Variants in LIMCH1 observed in about 807,000 individuals in gnomAD.
LIMCH1 encodes LIM and calponin homology domains-containing protein 1.
In LIMCH1, 113 loss-of-function variants were observed where a neutral mutation model predicts 176.5. The observed-to-expected ratio is 0.64, with a 90% CI of 0.55 to 0.75. LIMCH1 has a LOEUF of 0.75. LIMCH1 is among the 30% of genes least tolerant of loss of function. The probability of loss-of-function intolerance (pLI) is 0.00; values close to 1 mark genes in which losing one functional copy is unlikely to be tolerated. For synonymous variants in LIMCH1, 619 were observed against 645.9 expected, an observed-to-expected ratio of 0.96 and a Z score of 0.63; for missense variants, 1,674 against 1,814.9, an observed-to-expected ratio of 0.92 and a Z score of 1.41.
At chr4:41,516,091 T>C (rs1362594101) in intron 2 of LIMCH1, among the ~76,000 whole-genome samples, 1 of 152,228 alleles carries the variant, frequency 6.6e-6, no homozygotes, top group African/African-American at 2.4e-5. Context: ...TTTTCGTGTG[T>C]TGGCAGCTTT....
intron 1 of LIMCH1, among the ~76,000 whole-genome samples, chr4:41,471,695 T>C (rs2066982834): frequency 6.6e-6 from 1 of 152,270 alleles, no homozygotes; most frequent in South Asian, 2.1e-4. Context: ...TTAAAATTCC[T>C]GACTGCTGTG....
At chr4:41,490,485 A>G (rs1363973170) in intron 1 of LIMCH1, among the ~76,000 whole-genome samples, 1 of 152,036 alleles carries the variant, frequency 6.6e-6, no homozygotes, top group Non-Finnish European at 1.5e-5. Flanking sequence ...ATGACTCTTA[A>G]GGAGCATGCT....
chr4:41,473,730 C>T (rs2067323456), intron 1 of LIMCH1, among the ~76,000 whole-genome samples: 1 of 152,188 alleles, frequency 6.6e-6, no homozygotes, highest in Non-Finnish European at 1.5e-5. Context: ...TTAAAAGCTT[C>T]TGCACAGCGA....
chr4:41,646,696 C>T lies in LIMCH1; in HGVS notation c.2623C>T (p.Arg875Trp), dbSNP rs143733086. Residue 875 changes from arginine to tryptophan, a missense_variant, in exon 17 of 32, where the codon CGG (arginine) becomes TGG (tryptophan). Around this residue, in one of 3 missense-constraint regions of LIMCH1, gnomAD observed 1,015 missense variants for 1,102.5 expected, o/e 0.92. Transcript: ENST00000503057. ...LNDPNPMKYL[R>W]QQSLPPPKFT... is the part of the protein sequence containing the mutation. ...TGACCCCAATCCCATGAAATACCTGCGGCAACAGTCACTGCCTCCACCCAA... is the reference window on the plus strand; with the variant it reads ...TGACCCCAATCCCATGAAATACCTGTGGCAACAGTCACTGCCTCCACCCAA... The T allele has an allele frequency of 9.2e-5, 149 of 1,614,162 alleles. 1 individual carries two copies. In the Admixed American group the frequency reaches 1.6e-3, roughly 18 times the overall value.
At chr4:41,633,896 C>CATAAT in intron 13 of LIMCH1, 88 bp downstream of exon 13, 7 of 1,346,032 alleles carry the variant, frequency 5.2e-6, no homozygotes, top group Non-Finnish European at 6.0e-6. Flanking sequence ...ACCTCAGTGC[C>CATAAT]GCTTACCTGC....
chr4:41,633,437 C>T, intron 12 of LIMCH1, 111 bp from the exon 13 acceptor site: 1 of 1,327,302 alleles, frequency 7.5e-7, no homozygotes, highest in Non-Finnish European at 1.0e-6. Context: ...GTGCCGCTGC[C>T]TCCAGGGATG....
chr4:41,445,020 CTT>C (rs11414585), intron 1 of LIMCH1, among the ~76,000 whole-genome samples: 5,424 of 128,432 alleles, frequency 0.042, 314 homozygotes, highest in African/African-American at 0.14. Context: ...TTTTCCCATT[CTT>C]TTTTTTTTTT....
At chr4:41,460,228 T>C (rs1160314223) in intron 1 of LIMCH1, among the ~76,000 whole-genome samples, 1 of 152,066 alleles carries the variant, frequency 6.6e-6, no homozygotes, top group Non-Finnish European at 1.5e-5. Context: ...AATAGTTGAA[T>C]TAAAAATTCA....
chr4:41,574,640 CA>C (rs2084148589), intron 1 of LIMCH1, among the ~76,000 whole-genome samples: 1 of 152,110 alleles, frequency 6.6e-6, no homozygotes, highest in African/African-American at 2.4e-5. Context: ...GCACAGGCTA[CA>C]AACCTATCAG....
At chr4:41,688,570 T>C (rs1182209656) in intron 29 of LIMCH1, among the ~76,000 whole-genome samples, 2 of 152,352 alleles carry the variant, frequency 1.3e-5, no homozygotes, top group Admixed American at 1.3e-4. Flanking sequence ...CTCTGTATCC[T>C]GCTGGTTTTC....
intron 1 of LIMCH1, among the ~76,000 whole-genome samples, chr4:41,369,892 G>T (rs1205225312): frequency 7.1e-6 from 1 of 140,850 alleles, no homozygotes; most frequent in Non-Finnish European, 1.5e-5. Context: ...CTTGGACTTG[G>T]CTGTGGCAGA....
At chr4:41,449,795 T>C (rs960813814) in intron 1 of LIMCH1, among the ~76,000 whole-genome samples, 1 of 152,222 alleles carries the variant, frequency 6.6e-6, no homozygotes, top group East Asian at 1.9e-4. Context: ...AGTGGGTGGC[T>C]GGAACAACAG....
At chr4:41,520,087 AAC>A (rs1209965855) in intron 2 of LIMCH1, among the ~76,000 whole-genome samples, 1 of 152,208 alleles carries the variant, frequency 6.6e-6, no homozygotes, top group African/African-American at 2.4e-5. Context: ...CCGATTTGCA[AAC>A]AGTGATGTTT....
intron 1 of LIMCH1, among the ~76,000 whole-genome samples, chr4:41,436,387 G>A (rs139887632): frequency 2.7e-4 from 41 of 152,302 alleles, no homozygotes; most frequent in African/African-American, 9.1e-4. Flanking sequence ...AGGGTCTGGG[G>A]TTGCAGACTT....
intron 10 of LIMCH1, among the ~76,000 whole-genome samples, chr4:41,632,263 A>G (rs1680331654): frequency 6.6e-6 from 1 of 152,220 alleles, no homozygotes; most frequent in Non-Finnish European, 1.5e-5. Flanking sequence ...TCTCCGTAGC[A>G]GGAAGAAGTG....
chr4:41,375,667 A>G (rs768937010), intron 1 of LIMCH1, among the ~76,000 whole-genome samples: 4 of 152,236 alleles, frequency 2.6e-5, no homozygotes, highest in Non-Finnish European at 5.9e-5. Context: ...GGGGGTGTGC[A>G]GCTCTGTGCC....
Position 41,685,792 on chromosome 4 carries a change from C to T in LIMCH1, c.4050C>T (p.Ser1350=), listed in dbSNP as rs774323613. ...VKPKTLPLDK[S]INHQIESPSE... is the part of the protein sequence containing the mutation. Reference sequence around the variant, plus strand: ...CAAAAACCCTCCCGCTGGATAAAAGCATTAACCATCAGATCGAGTCTCCCA... The same window carrying T: ...CAAAAACCCTCCCGCTGGATAAAAGTATTAACCATCAGATCGAGTCTCCCA... Residue 1350 remains serine, a synonymous_variant, in exon 28 of 32, where the codon AGC becomes AGT. Coordinates refer to ENST00000503057, the MANE Select transcript of LIMCH1 (RefSeq NM_001330672.2). 57 of 1,613,358 alleles carry T rather than the reference C, an allele frequency of 3.5e-5. No homozygotes were observed. The highest frequency in any genetic ancestry group is 1.8e-4 in the Admixed American group (11 of 59,934).
intron 22 of LIMCH1, among the ~76,000 whole-genome samples, chr4:41,674,207 A>G (rs1481489498): frequency 6.6e-6 from 1 of 151,834 alleles, no homozygotes; most frequent in Non-Finnish European, 1.5e-5. Context: ...TCCTCCTCCT[A>G]TCTGCCCACT....
At chr4:41,624,277 A>C (rs985607421) in intron 7 of LIMCH1, among the ~76,000 whole-genome samples, 6 of 152,110 alleles carry the variant, frequency 3.9e-5, no homozygotes, top group Non-Finnish European at 8.8e-5. Context: ...CGTAGTAATT[A>C]ATTACAGAGG....
Sources: allele counts gnomAD v4.1 joint callset (sites outside exome capture counted in the v4.1 genomes callset), GRCh38; gene constraint gnomAD v4.1.1; regional missense constraint gnomAD v4.1.1; transcripts MANE v1.5; gene names NCBI Gene and HGNC (gene_info 2026-07-23, HGNC 2026-07-21).